SDK1: variants seen among roughly 807,000 people sequenced by gnomAD.
SDK1 encodes sidekick cell adhesion molecule 1.
Under a neutral mutation model 245.5 loss-of-function variants are expected in SDK1, and 157 were observed. The ratio of observed to expected loss-of-function variants is 0.64; its 90% confidence interval spans 0.56 to 0.73. The LOEUF (loss-of-function observed/expected upper bound fraction) is 0.73, where lower values mean the gene tolerates loss of function less well. SDK1 is among the 30% of genes least tolerant of loss of function. The probability of loss-of-function intolerance (pLI) is 0.00; values close to 1 mark genes in which losing one functional copy is unlikely to be tolerated. For missense variants in SDK1, 3,583 were observed against 3,002.3 expected (o/e 1.19, Z -4.52); for synonymous variants, 1,647 against 1,278.5 (o/e 1.29, Z -6.15).
intron 2 of SDK1, among the ~76,000 whole-genome samples, chr7:3,627,272 T>A (rs1204911593): frequency 6.6e-6 from 1 of 152,180 alleles, no homozygotes; most frequent in African/African-American, 2.4e-5. Flanking sequence ...CCTATTAGTG[T>A]GGCTACTTCC....
chr7:3,992,985 G>T (rs977793797), intron 14 of SDK1, among the ~76,000 whole-genome samples: 14 of 152,146 alleles, frequency 9.2e-5, no homozygotes, highest in African/African-American at 3.4e-4. Context: ...TCAATATGTT[G>T]TGGGCTGTTC....
intron 5 of SDK1, among the ~76,000 whole-genome samples, chr7:3,904,948 G>C (rs1015240973): frequency 1.9e-4 from 29 of 149,062 alleles, no homozygotes; most frequent in African/African-American, 6.9e-4. Flanking sequence ...AGTGGAGATC[G>C]CGCCACTGCA....
At chr7:3,860,080 T>C (rs1474703323) in intron 5 of SDK1, among the ~76,000 whole-genome samples, 1 of 150,236 alleles carries the variant, frequency 6.7e-6, no homozygotes, top group African/African-American at 2.5e-5. Context: ...CCACCACTCC[T>C]GGCTAAGTTT....
intron 1 of SDK1, among the ~76,000 whole-genome samples, chr7:3,342,620 A>T (rs968739578): frequency 6.6e-6 from 1 of 152,184 alleles, no homozygotes; most frequent in Non-Finnish European, 1.5e-5. Flanking sequence ...AAGTCTTCAG[A>T]ATCCAGAACT....
intron 1 of SDK1, among the ~76,000 whole-genome samples, chr7:3,437,844 T>A (rs901221342): frequency 1.3e-5 from 2 of 152,184 alleles, no homozygotes; most frequent in African/African-American, 4.8e-5. Context: ...TGAATAGAAG[T>A]TCCATCTTTT....
chr7:3,591,855 C>G (rs1033516523), intron 1 of SDK1, among the ~76,000 whole-genome samples: 1 of 152,184 alleles, frequency 6.6e-6, no homozygotes, highest in African/African-American at 2.4e-5. Context: ...GATTCTCAAA[C>G]TTTGAGTGCA....
chr7:3,892,292 G>C (rs955686641), intron 5 of SDK1, among the ~76,000 whole-genome samples: 2 of 152,166 alleles, frequency 1.3e-5, no homozygotes, highest in African/African-American at 4.8e-5. Context: ...AGAATCCTGC[G>C]AGTCAGCTGC....
chr7:3,528,258 G>A (rs1322427699), intron 1 of SDK1, among the ~76,000 whole-genome samples: 1 of 143,640 alleles, frequency 7.0e-6, no homozygotes, highest in African/African-American at 2.6e-5. Context: ...CAGCTAGGGG[G>A]TGAGTGGTAG....
At chr7:3,862,081 G>A (rs964082272) in intron 5 of SDK1, among the ~76,000 whole-genome samples, 2 of 152,178 alleles carry the variant, frequency 1.3e-5, no homozygotes, top group African/African-American at 4.8e-5. Context: ...GTGGGTGGGG[G>A]AGTTTCCTGC....
Position 3,501,220 on chromosome 7 carries a change from TCTTAGTATCTTTA to T in SDK1, c.299-117859_299-117847del, listed in dbSNP as rs1382697197. Among the ~76,000 whole-genome samples, 3 of 152,296 alleles carry T rather than the reference TCTTAGTATCTTTA, an allele frequency of 2.0e-5. No homozygotes were observed. In the East Asian group the frequency reaches 5.8e-4, roughly 29 times the overall value. ...TGGGGTAACTTTTGTCAGTATCTTT[TCTTAGTATCTTTA>T]GAGAATTCCTCTTGGACTGATTAGA... On this transcript the variant is annotated intron_variant, in intron 1 of 44. Coordinates refer to ENST00000404826, the MANE Select transcript of SDK1 (RefSeq NM_152744.4).
At chr7:3,726,748 C>T (rs930329213) in intron 4 of SDK1, among the ~76,000 whole-genome samples, 7 of 152,208 alleles carry the variant, frequency 4.6e-5, no homozygotes, top group African/African-American at 7.2e-5. Context: ...ACAGTGTCCT[C>T]AGTACCAGCA....
intron 1 of SDK1, among the ~76,000 whole-genome samples, chr7:3,616,413 C>G (rs1024996966): frequency 6.6e-5 from 10 of 152,230 alleles, no homozygotes; most frequent in African/African-American, 2.4e-4. Context: ...CACTTCCAGT[C>G]ACTCTCTTTG....
chr7:3,733,686 A>C (rs945173390), intron 4 of SDK1, among the ~76,000 whole-genome samples: 3 of 152,164 alleles, frequency 2.0e-5, no homozygotes, highest in Admixed American at 1.3e-4. Context: ...TAAGTGCCCA[A>C]ACACAGATGT....
In SDK1 at chr7:3,962,800, G is replaced by A. The variant is rs779642377; in HGVS notation, c.1378G>A (p.Ala460Thr). ...GGACTCCGGAATCTTCCAGTGCTTCGCCAGCAATGAAGGAGGGGAGATCCA... is the reference window on the plus strand; with the variant it reads ...GGACTCCGGAATCTTCCAGTGCTTCACCAGCAATGAAGGAGGGGAGATCCA... ...PEDSGIFQCF[A>T]SNEGGEIQTH... The change falls in exon 9 of 45, where the codon GCC becomes ACC. Residue 460 changes from alanine (A) to threonine (T), a missense_variant. Coordinates refer to ENST00000404826, the MANE Select transcript of SDK1 (RefSeq NM_152744.4). 19 of 1,613,474 alleles carry A rather than the reference G, an allele frequency of 1.2e-5. No individual in the cohort carries two copies. Among genetic ancestry groups the A allele is most frequent in the South Asian group, 4.4e-5 (4 of 91,062 alleles).
intron 5 of SDK1, among the ~76,000 whole-genome samples, chr7:3,882,696 C>A (rs556912783): frequency 3.9e-4 from 59 of 152,172 alleles, no homozygotes; most frequent in African/African-American, 1.3e-3. Context: ...GACTTAGACA[C>A]CGCTGTTGTC....
At chr7:3,874,996 C>G (rs1433602895) in intron 5 of SDK1, among the ~76,000 whole-genome samples, 1 of 152,146 alleles carries the variant, frequency 6.6e-6, no homozygotes, top group African/African-American at 2.4e-5. Flanking sequence ...AAATCCTACT[C>G]TAGGCTCTTA....
chr7:4,188,742 C>A (rs1783027919), intron 35 of SDK1, among the ~76,000 whole-genome samples: 1 of 151,550 alleles, frequency 6.6e-6, no homozygotes, highest in Non-Finnish European at 1.5e-5. Context: ...ATTCTGGAGC[C>A]TGGCATGAAG....
Position 3,688,439 on chromosome 7 carries a change from C to G in SDK1, c.713+46334C>G, listed in dbSNP as rs1784352613. ...GAGAACTGAGAAGTAATAACTGTAT[C>G]TATACTGAAGGAGTGTTATAAAGAA... On this transcript the variant is annotated intron_variant, in intron 4 of 44. Coordinates refer to ENST00000404826, the MANE Select transcript of SDK1 (RefSeq NM_152744.4). Among the ~76,000 whole-genome samples, 4 of 152,210 alleles carry G rather than the reference C, an allele frequency of 2.6e-5. No individual in the cohort carries two copies. The South Asian group carries it at 8.3e-4, about 32-fold the overall frequency.
chr7:3,745,518 C>T (rs1342571091), intron 4 of SDK1, among the ~76,000 whole-genome samples: 2 of 148,430 alleles, frequency 1.3e-5, no homozygotes, highest in African/African-American at 5.2e-5. Flanking sequence ...TCACTGGTTT[C>T]AGTATGCCCT....
Sources: allele counts gnomAD v4.1 joint callset (sites outside exome capture counted in the v4.1 genomes callset), GRCh38; gene constraint gnomAD v4.1.1; transcripts MANE v1.5; gene names NCBI Gene and HGNC (gene_info 2026-07-23, HGNC 2026-07-21).